ZNF540: variants seen among roughly 807,000 people sequenced by gnomAD.
ZNF540 encodes the protein CTD-3064H18.6.
A neutral mutation model predicts 11.8 loss-of-function variants in ZNF540; 3 were observed. The ratio of observed to expected loss-of-function variants is 0.25; its 90% confidence interval spans 0.12 to 0.65. The LOEUF (loss-of-function observed/expected upper bound fraction) is 0.65. Ranked by LOEUF, ZNF540 falls within the 30% of genes least tolerant of loss-of-function variation. ZNF540 has a pLI of 0.83. For missense variants in ZNF540, 709 were observed against 793.1 expected (o/e 0.89, Z 1.27); for synonymous variants, 247 against 259.0 (o/e 0.95, Z 0.45).
At chr19:37,560,140 T>C (rs1467588273) in intron 1 of ZNF540, among the ~76,000 whole-genome samples, 2 of 151,862 alleles carry the variant, frequency 1.3e-5, no homozygotes, top group African/African-American at 2.4e-5. Context: ...TAGCTGGGCA[T>C]GGTGGCAGGC....
At chr19:37,577,739 C>A (rs1359431754) in intron 1 of ZNF540, among the ~76,000 whole-genome samples, 2 of 152,162 alleles carry the variant, frequency 1.3e-5, no homozygotes, top group Non-Finnish European at 2.9e-5. Flanking sequence ...AAATTTTAAT[C>A]AATGTAAATT....
chr19:37,552,412 T>C (rs1011369834), intron 1 of ZNF540, among the ~76,000 whole-genome samples: 2 of 152,366 alleles, frequency 1.3e-5, no homozygotes, highest in African/African-American at 4.8e-5. Context: ...AGGTATCTTA[T>C]ATCTTTATAG....
At chr19:37,580,468 CAAT>C (rs2043415780) in intron 1 of ZNF540, among the ~76,000 whole-genome samples, 1 of 152,208 alleles carries the variant, frequency 6.6e-6, no homozygotes, top group South Asian at 2.1e-4. Context: ...CATGCCATGA[CAAT>C]AACTACACTG....
At chr19:37,588,480 T>C (rs1388980151) in intron 1 of ZNF540, among the ~76,000 whole-genome samples, 2 of 152,202 alleles carry the variant, frequency 1.3e-5, no homozygotes, top group African/African-American at 4.8e-5. Flanking sequence ...CCACATGTTG[T>C]CCTTTATAAC....
In ZNF540 at chr19:37,612,721, C is replaced by T; in HGVS notation, c.1441C>T (p.Gln481Ter). The change falls in exon 5 of 5, where the codon CAA (glutamine) becomes TAA (stop). Residue 481 changes from glutamine (Q) to a stop codon, truncating the protein, a stop_gained. Transcript: ENST00000316433. LOFTEE classifies it low-confidence loss of function (END_TRUNC). ...TGGGAAGACCTTTCGAGTTCGTTCTCAAATTAGTCTACATAAGAAAATTCA... is the reference window on the plus strand; with the variant it reads ...TGGGAAGACCTTTCGAGTTCGTTCTTAAATTAGTCTACATAAGAAAATTCA... The part of the protein sequence containing the change: ...ECGKTFRVRS[Q>*]ISLHKKIHTD... 6.2e-7 allele frequency: 1 copy of T among 1,613,940 alleles called. No homozygotes were observed. The highest frequency in any genetic ancestry group is 8.5e-7 in the Non-Finnish European group (1 of 1,179,940).
intron 1 of ZNF540, chr19:37,584,224 A>T (rs1165933154): frequency 9.1e-6 from 12 of 1,319,016 alleles, no homozygotes; most frequent in Middle Eastern, 3.8e-4. Context: ...TTGCCTAAAC[A>T]GTAGTATTAA....
chr19:37,596,637 C>T (rs2043998028), intron 1 of ZNF540, among the ~76,000 whole-genome samples: 1 of 152,128 alleles, frequency 6.6e-6, no homozygotes, highest in African/African-American at 2.4e-5. Flanking sequence ...TCCTAGTGAA[C>T]ATATATAATT....
intron 1 of ZNF540, among the ~76,000 whole-genome samples, chr19:37,557,314 G>A (rs1002116097): frequency 1.3e-5 from 2 of 152,284 alleles, no homozygotes; most frequent in East Asian, 1.9e-4. Flanking sequence ...CTTTGAAGAC[G>A]GGGGATTCTT....
At chr19:37,600,869 A>T (rs1405935729) in intron 3 of ZNF540, 141 bp from the exon 4 acceptor site, 1 of 658,706 alleles carries the variant, frequency 1.5e-6, no homozygotes, top group Middle Eastern at 4.3e-4. Context: ...ACTAAGTTGA[A>T]TATTCTTTAA....
In ZNF540 at chr19:37,611,687, A is replaced by T. The variant is rs762726965; in HGVS notation, c.407A>T (p.Glu136Val). ...SEFEGQQGLK[E>V]RSISQKKIVS... ...TTTGAGGGTCAACAGGGACTTAAAG[A>T]AAGATCTATCAGTCAAAAGAAAATC... The change falls in exon 5 of 5, where the codon GAA (glutamate) becomes GTA (valine). Residue 136 changes from glutamate (E) to valine (V), a missense_variant. Coordinates refer to ENST00000316433, the MANE Select transcript of ZNF540 (RefSeq NM_001172225.3). 3.7e-6 allele frequency: 6 copies of T among 1,614,000 alleles called. 1 individual carries two copies. Among genetic ancestry groups the T allele is most frequent in the South Asian group, 1.1e-5 (1 of 91,074 alleles).
At chr19:37,593,082 C>T (rs1485374453), upstream of ZNF540, among the ~76,000 whole-genome samples, 1 of 151,504 alleles carries the variant, frequency 6.6e-6, no homozygotes, top group African/African-American at 2.4e-5. Context: ...CACGCTGTTA[C>T]ACCAACATAA....
At chr19:37,555,043 T>C (rs1474167911) in intron 1 of ZNF540, 2 of 152,220 alleles carry the variant, frequency 1.3e-5, no homozygotes. Context: ...GCGTTATCAA[T>C]CAGATGAATT....
intron 1 of ZNF540, among the ~76,000 whole-genome samples, chr19:37,595,997 T>A (rs7247175): frequency 0.072 from 11,016 of 152,168 alleles, 564 homozygotes; most frequent in African/African-American, 0.13. Context: ...AATTTTTTTT[T>A]AAATTTGAGA....
chr19:37,571,501 A>C (rs1313590004), intron 1 of ZNF540, among the ~76,000 whole-genome samples: 2 of 152,168 alleles, frequency 1.3e-5, no homozygotes, highest in East Asian at 3.8e-4. Flanking sequence ...ATCTCAAAAA[A>C]ACAAAAACAA....
At chr19:37,586,705 G>A (rs374508337) in intron 1 of ZNF540, 75 of 1,613,802 alleles carry the variant, frequency 4.6e-5, no homozygotes, top group Non-Finnish European at 6.2e-5. Flanking sequence ...AATTTTCTGG[G>A]TTCTTCTCCT....
At chr19:37,580,393 A>G (rs1478143300) in intron 1 of ZNF540, among the ~76,000 whole-genome samples, 1 of 152,208 alleles carries the variant, frequency 6.6e-6, no homozygotes, top group Non-Finnish European at 1.5e-5. Flanking sequence ...CTGAGCCAAA[A>G]TCCATTTTGT....
At chr19:37,565,384 G>C in intron 1 of ZNF540, 28 of 1,612,152 alleles carry the variant, frequency 1.7e-5, no homozygotes, top group Non-Finnish European at 2.4e-5. Flanking sequence ...CATTCAGTTG[G>C]GAGGCACATA....
chr19:37,558,561 TCATC>T (rs1445185463), intron 1 of ZNF540, among the ~76,000 whole-genome samples: 2 of 152,064 alleles, frequency 1.3e-5, no homozygotes, highest in Non-Finnish European at 1.5e-5. Flanking sequence ...CCGGTGGAAA[TCATC>T]CAAAGCTCTC....
chr19:37,589,863 T>TAAAA (rs1228213871), upstream of ZNF540, among the ~76,000 whole-genome samples: 1 of 2,332 alleles, frequency 4.3e-4, no homozygotes, highest in Non-Finnish European at 5.7e-4. Flanking sequence ...AGACTCCATC[T>TAAAA]CAAAAAAAAA....
Sources: allele counts gnomAD v4.1 joint callset (sites outside exome capture counted in the v4.1 genomes callset), GRCh38; gene constraint gnomAD v4.1.1; transcripts MANE v1.5; gene names NCBI Gene and HGNC (gene_info 2026-07-23, HGNC 2026-07-21).